Variants in MDN1 observed in about 807,000 individuals in gnomAD.
The protein encoded by MDN1 is midasin AAA ATPase 1, also known as midasin.
A neutral mutation model predicts 669.2 loss-of-function variants in MDN1; 266 were observed. That is an observed-to-expected ratio of 0.40 (90% CI 0.36 to 0.44). The LOEUF is 0.44. MDN1 is among the 20% of genes least tolerant of loss of function. The pLI is 1.00. For missense variants in MDN1, 5,940 were observed against 6,754.0 expected (o/e 0.88, Z 4.22); for synonymous variants, 2,385 against 2,457.1 (o/e 0.97, Z 0.87).
At chr6:89,732,414 A>C (rs1478870544) in intron 34 of MDN1, 143 bp downstream of exon 34, 2 of 705,606 alleles carry the variant, frequency 2.8e-6, no homozygotes, top group African/African-American at 3.6e-5. Context: ...AAAGAGTACA[A>C]ACAAAAGGAA....
intron 84 of MDN1, 51 bp from the exon 85 acceptor site, chr6:89,664,679 C>G: frequency 6.9e-7 from 1 of 1,459,206 alleles, no homozygotes; most frequent in Non-Finnish European, 9.5e-7. Flanking sequence ...CCAATGTTTG[C>G]TTCAGCTGTG....
intron 10 of MDN1, among the ~76,000 whole-genome samples, chr6:89,780,641 CT>C (rs575664748): frequency 2.3e-3 from 305 of 131,200 alleles, no homozygotes; most frequent in African/African-American, 6.5e-3. Context: ...ATGCCATTTC[CT>C]TTTTTTTTTT....
At chr6:89,677,016 CA>C (rs577064668) in intron 76 of MDN1, among the ~76,000 whole-genome samples, 1,303 of 80,234 alleles carry the variant, frequency 0.016, 8 homozygotes, top group African/African-American at 0.024. Context: ...AATCAAAAGG[CA>C]AAAAAAAAAA....
intron 37 of MDN1, among the ~76,000 whole-genome samples, chr6:89,727,328 C>G (rs1270502787): frequency 6.6e-6 from 1 of 152,138 alleles, no homozygotes; most frequent in Non-Finnish European, 1.5e-5. Context: ...CCAAACTGAC[C>G]CAGCTCCATA....
rs532517000 is a variant in MDN1 at position 89,671,084 on chromosome 6, A to G, written c.13795-4T>C. The G allele has an allele frequency of 1.2e-6, 2 of 1,613,224 alleles. No homozygotes were observed. The highest frequency in any genetic ancestry group is 4.5e-5 in the East Asian group (2 of 44,886). The stretch of plus-strand genomic sequence containing the variant: ...AGGAACAGGATTGGCTGAAGAACTG[A>G]GACCAAAACAAAACAAAAGGCCTGC... On this transcript the variant is annotated splice_polypyrimidine_tract_variant and splice_region_variant and intron_variant, in intron 82 of 101. Transcript: ENST00000369393.
intron 2 of MDN1, among the ~76,000 whole-genome samples, chr6:89,798,369 A>G (rs893728099): frequency 3.3e-5 from 5 of 151,120 alleles, no homozygotes; most frequent in African/African-American, 1.2e-4. Context: ...AAAATTAGCC[A>G]TGAGTGGTGG....
Position 89,696,385 on chromosome 6 carries a change from C to A in MDN1, c.9358G>T (p.Ala3120Ser). Residue 3120 changes from alanine (A) to serine (S), a missense_variant, in exon 60 of 102, where the codon GCT becomes TCT. Transcript: ENST00000369393. ...DISSMLWTNM[A>S]ISSVAEFRRT... is the part of the protein sequence containing the mutation. ...CTGAATTCTGCTACTGAAGAGATAG[C>A]CATGTTAGTCCAAAGCATCGAACTG... 1 of 1,614,138 alleles carries A rather than the reference C, an allele frequency of 6.2e-7. No homozygotes were observed. The highest frequency in any genetic ancestry group is 1.3e-5 in the African/African-American group (1 of 75,050).
intron 34 of MDN1, among the ~76,000 whole-genome samples, chr6:89,732,094 G>T (rs62417326): frequency 0.18 from 27,178 of 151,754 alleles, 2,490 homozygotes; most frequent in East Asian, 0.22. Flanking sequence ...CAAAAATAAA[G>T]GCTCTCGTGC....
At position 89,696,478 on chromosome 6, in the gene MDN1, G is replaced by C. The variant is rs767058574; in HGVS notation, c.9265C>G (p.Pro3089Ala). ...GTCACGTGAGAGGAGGAAAGAATGG[G>C]GAGGCCACTCACATCCCAGGGACTT... ...RASPWDVSGL[P>A]ILSSSHVTLG... The change falls in exon 60 of 102, where the codon CCC (proline) becomes GCC (alanine). Residue 3089 changes from proline (P) to alanine (A), a missense_variant. This residue lies in a region of MDN1 where 2,292 missense variants were observed against 2,638.3 expected (regional missense o/e 0.87). Coordinates refer to ENST00000369393, the MANE Select transcript of MDN1 (RefSeq NM_014611.3). 1 of 1,614,160 alleles carries C rather than the reference G, an allele frequency of 6.2e-7. No homozygotes were observed. The highest frequency in any genetic ancestry group is 8.5e-7 in the Non-Finnish European group (1 of 1,180,014).
rs559767863 is a variant in MDN1, at chr6:89,651,166, A to T, written c.15916-319T>A. Among the ~76,000 whole-genome samples, 184 of 150,408 alleles carry T rather than the reference A, an allele frequency of 1.2e-3. 1 individual carries two copies. Among genetic ancestry groups the T allele is most frequent in the Middle Eastern group, 3.4e-3 (1 of 294 alleles). ...CCCTGTCTCTACAAAAAAAAAAAAA[A>T]TACAGAAAATTAGCTGGGCATGGGG... On this transcript the variant is annotated intron_variant, in intron 95 of 101. Coordinates refer to ENST00000369393, the MANE Select transcript of MDN1 (RefSeq NM_014611.3).
At chr6:89,712,888 C>T in intron 47 of MDN1, 102 bp from the exon 48 acceptor site, 2 of 1,043,858 alleles carry the variant, frequency 1.9e-6, no homozygotes, top group Non-Finnish European at 1.4e-6. Flanking sequence ...CTCACAACAA[C>T]TTTTAATACA....
intron 11 of MDN1, among the ~76,000 whole-genome samples, chr6:89,778,783 G>A (rs1374678536): frequency 6.6e-6 from 1 of 151,916 alleles, no homozygotes; most frequent in African/African-American, 2.4e-5. Context: ...TTACTCGGGA[G>A]GCTGAGGCAG....
Position 89,794,772 on chromosome 6 carries a change from G to A in MDN1, c.359C>T (p.Ser120Phe), listed in dbSNP as rs148830859. 112 of 1,614,022 alleles carry A rather than the reference G, an allele frequency of 6.9e-5. No homozygotes were observed. Among genetic ancestry groups the A allele is most frequent in the Non-Finnish European group, 8.8e-5 (104 of 1,179,986 alleles). Reference sequence around the variant, plus strand: ...TAGGAAAAGTCTTTGAAAGACTGGGGATGTGTCCTTGAAATATCTCAGGGC... The same window carrying A: ...TAGGAAAAGTCTTTGAAAGACTGGGAATGTGTCCTTGAAATATCTCAGGGC... ...PFALRYFKDTSPVFQRLFLES... is the reference protein window; with the variant it reads ...PFALRYFKDTFPVFQRLFLES... Residue 120 changes from serine to phenylalanine, a missense_variant, in exon 3 of 102, where the codon TCC becomes TTC. By Grantham distance (155) the Ser-to-Phe change is radical (BLOSUM62 -2). This residue lies in a region of MDN1 where 1,203 missense variants were observed against 1,268.9 expected (regional missense o/e 0.95). Coordinates refer to ENST00000369393, the MANE Select transcript of MDN1 (RefSeq NM_014611.3).
intron 15 of MDN1, among the ~76,000 whole-genome samples, chr6:89,763,970 T>A (rs1197688065): frequency 6.6e-6 from 1 of 152,132 alleles, no homozygotes; most frequent in Non-Finnish European, 1.5e-5. Flanking sequence ...ATCCCACCAC[T>A]TCGGGAGGTC....
At chr6:89,703,640 AAAG>A (rs1470965466) in intron 53 of MDN1, among the ~76,000 whole-genome samples, 6 of 152,212 alleles carry the variant, frequency 3.9e-5, no homozygotes, top group African/African-American at 1.2e-4. Context: ...TAGTACAAAA[AAAG>A]AAGGACTGGC....
intron 82 of MDN1, among the ~76,000 whole-genome samples, chr6:89,671,914 CAGA>C (rs1432868912): frequency 2.0e-5 from 3 of 152,218 alleles, no homozygotes; most frequent in African/African-American, 7.2e-5. Context: ...TCAGTAACAT[CAGA>C]TACTTGGGAG....
At chr6:89,663,010 C>A in intron 85 of MDN1, 43 bp from the exon 86 acceptor site, 1 of 1,609,428 alleles carries the variant, frequency 6.2e-7, no homozygotes, top group African/African-American at 1.3e-5. Flanking sequence ...TCCAAACTGA[C>A]CCAGTCCTGT....
At position 89,810,227 on chromosome 6, in the gene MDN1, G is replaced by A. The variant is rs145049903; in HGVS notation, c.103-6673C>T. Among the ~76,000 whole-genome samples, 526 of 151,996 alleles carry A rather than the reference G, an allele frequency of 3.5e-3. 2 individuals are homozygous for A. The highest frequency in any genetic ancestry group is 0.012 in the African/African-American group (505 of 41,470). On this transcript the variant is annotated intron_variant, in intron 1 of 101. Transcript: ENST00000369393. Reference sequence around the variant, plus strand: ...GAGGTGGGTGGATCACCTGAGGTCAGGAGTTCGAGACCAGCCTGAGCAATA... The same window carrying A: ...GAGGTGGGTGGATCACCTGAGGTCAAGAGTTCGAGACCAGCCTGAGCAATA...
intron 9 of MDN1, among the ~76,000 whole-genome samples, chr6:89,783,029 A>T (rs1287945749): frequency 7.2e-5 from 11 of 152,234 alleles, no homozygotes; most frequent in Admixed American, 7.2e-4. Context: ...CAAATTGATC[A>T]TAAAACATGT....
Sources: allele counts gnomAD v4.1 joint callset (sites outside exome capture counted in the v4.1 genomes callset), GRCh38; gene constraint gnomAD v4.1.1; regional missense constraint gnomAD v4.1.1; transcripts MANE v1.5; gene names NCBI Gene and HGNC (gene_info 2026-07-23, HGNC 2026-07-21).